The following SLC14A2 variants were observed in gnomAD, a reference collection of about 807,000 sequenced individuals.
SLC14A2 encodes the protein solute carrier family 14 member 2.
In SLC14A2, 91 loss-of-function variants were observed where a neutral mutation model predicts 104.6. The observed-to-expected ratio is 0.87, with a 90% CI of 0.73 to 1.04. The LOEUF (loss-of-function observed/expected upper bound fraction) is 1.04. Ranked by LOEUF, SLC14A2 falls within the 50% of genes least tolerant of loss-of-function variation. The probability of loss-of-function intolerance (pLI) is 0.00; values close to 1 mark genes in which losing one functional copy is unlikely to be tolerated. For missense variants in SLC14A2, 1,189 were observed against 1,156.0 expected, an observed-to-expected ratio of 1.03 and a Z score of -0.41; for synonymous variants, 476 against 466.4, an observed-to-expected ratio of 1.02 and a Z score of -0.27.
chr18:45,350,447 A>C (rs952295949), intron 1 of SLC14A2, among the ~76,000 whole-genome samples: 2 of 152,198 alleles, frequency 1.3e-5, no homozygotes, highest in Non-Finnish European at 2.9e-5. Flanking sequence ...AAGAGGCCGC[A>C]GTTCAGTCTC....
intron 1 of SLC14A2, among the ~76,000 whole-genome samples, chr18:45,215,866 G>T (rs924174454): frequency 6.6e-6 from 1 of 151,772 alleles, no homozygotes; most frequent in Non-Finnish European, 1.5e-5. Flanking sequence ...TCTCTGTTTT[G>T]TAATTTATTT....
intron 2 of SLC14A2, among the ~76,000 whole-genome samples, chr18:45,571,504 G>A (rs1272378002): frequency 6.6e-6 from 1 of 152,202 alleles, no homozygotes; most frequent in Admixed American, 6.5e-5. Context: ...GATGCTTTGA[G>A]GCTACAGAAG....
At chr18:45,620,921 T>C (rs1306162974) in intron 1 of SLC14A2, among the ~76,000 whole-genome samples, 4 of 152,238 alleles carry the variant, frequency 2.6e-5, no homozygotes, top group Non-Finnish European at 5.9e-5. Flanking sequence ...TTAGATTCCA[T>C]GAAATATGTT....
At chr18:45,381,314 T>A (rs2085832225) in intron 1 of SLC14A2, among the ~76,000 whole-genome samples, 1 of 152,238 alleles carries the variant, frequency 6.6e-6, no homozygotes, top group South Asian at 2.1e-4. Context: ...AGACTCTGAA[T>A]TAAAACATCA....
At chr18:45,619,894 A>T (rs2045136435) in intron 1 of SLC14A2, among the ~76,000 whole-genome samples, 1 of 152,156 alleles carries the variant, frequency 6.6e-6, no homozygotes, top group African/African-American at 2.4e-5. Context: ...TGTGCCAGGA[A>T]CCAAGTCAGC....
At chr18:45,541,042 G>A (rs1195502926) in intron 2 of SLC14A2, among the ~76,000 whole-genome samples, 2 of 152,176 alleles carry the variant, frequency 1.3e-5, no homozygotes, top group Non-Finnish European at 2.9e-5. Flanking sequence ...ACAAGCTCAG[G>A]ATGCCTTAAG....
At chr18:45,239,459 G>A (rs769700419) in intron 1 of SLC14A2, among the ~76,000 whole-genome samples, 12 of 152,208 alleles carry the variant, frequency 7.9e-5, no homozygotes, top group East Asian at 1.9e-4. Context: ...ATGCAACCCC[G>A]GGCAGGATCC....
intron 2 of SLC14A2, among the ~76,000 whole-genome samples, chr18:45,556,513 G>C (rs894593777): frequency 2.6e-5 from 4 of 152,158 alleles, no homozygotes; most frequent in South Asian, 2.1e-4. Context: ...AGGAGGTCTG[G>C]GTTCTCGGCC....
intron 2 of SLC14A2, among the ~76,000 whole-genome samples, chr18:45,559,724 G>T (rs1317822942): frequency 6.6e-6 from 1 of 152,138 alleles, no homozygotes; most frequent in Non-Finnish European, 1.5e-5. Context: ...TGTGGTTATG[G>T]TGCTCTGGTG....
At chr18:45,568,550 T>G (rs1029805232) in intron 2 of SLC14A2, among the ~76,000 whole-genome samples, 1 of 152,226 alleles carries the variant, frequency 6.6e-6, no homozygotes. Flanking sequence ...AAAAATGTCA[T>G]GTCATTTCTG....
chr18:45,648,666 A>T (rs946704229), intron 10 of SLC14A2, among the ~76,000 whole-genome samples: 56 of 152,228 alleles, frequency 3.7e-4, no homozygotes, highest in African/African-American at 1.3e-3. Context: ...AACATATAGC[A>T]ATGTTTCATA....
intron 11 of SLC14A2, among the ~76,000 whole-genome samples, chr18:45,665,748 A>G (rs1425012112): frequency 8.1e-6 from 1 of 123,578 alleles, no homozygotes; most frequent in Admixed American, 1.0e-4. Context: ...GTGGAACAGG[A>G]GAAAGAACCC....
intron 5 of SLC14A2, 116 bp downstream of exon 5, chr18:45,632,594 T>C: frequency 1.8e-6 from 2 of 1,125,888 alleles, no homozygotes; most frequent in South Asian, 1.5e-5. Flanking sequence ...CATAGCCAAG[T>C]TAGCTTGTCT....
chr18:45,586,521 G>A (rs533500877), intron 2 of SLC14A2, among the ~76,000 whole-genome samples: 1 of 152,030 alleles, frequency 6.6e-6, no homozygotes, highest in African/African-American at 2.4e-5. Context: ...GGATACTTCT[G>A]GCTGCTGAAT....
chr18:45,556,442 C>G (rs1013266289), intron 2 of SLC14A2, among the ~76,000 whole-genome samples: 2 of 152,160 alleles, frequency 1.3e-5, no homozygotes, highest in Non-Finnish European at 2.9e-5. Context: ...GCATCCCTGA[C>G]AAGTCTTCCT....
intron 1 of SLC14A2, among the ~76,000 whole-genome samples, chr18:45,422,556 C>T (rs1044214565): frequency 5.3e-5 from 8 of 152,132 alleles, no homozygotes; most frequent in East Asian, 1.9e-4. Context: ...GGACAGAAGA[C>T]GGCTGAGCCA....
At chr18:45,224,254 T>G (rs1002195181) in intron 1 of SLC14A2, among the ~76,000 whole-genome samples, 7 of 152,194 alleles carry the variant, frequency 4.6e-5, no homozygotes, top group Non-Finnish European at 1.0e-4. Flanking sequence ...GGCAGAGAGA[T>G]GCGAAATGGT....
chr18:45,172,072 A>G, the SLC14A2 span, among the ~76,000 whole-genome samples: 1 of 152,180 alleles, frequency 6.6e-6, no homozygotes, highest in Non-Finnish European at 1.5e-5. Flanking sequence ...TGTCGTAAGC[A>G]GTGACTGGCC....
chr18:45,646,676 C>G (rs919314486), intron 10 of SLC14A2: 2 of 152,188 alleles, frequency 1.3e-5, no homozygotes, highest in Admixed American at 1.3e-4. Flanking sequence ...TCCCCCACCC[C>G]TGCCAACTCT....
Sources: allele counts gnomAD v4.1 joint callset (sites outside exome capture counted in the v4.1 genomes callset), GRCh38; gene constraint gnomAD v4.1.1; transcripts MANE v1.5; gene names NCBI Gene and HGNC (gene_info 2026-07-23, HGNC 2026-07-21).